Variants in DCAF4 observed in about 807,000 individuals in gnomAD.
DCAF4 encodes DDB1- and CUL4-associated factor 4.
DCAF4 carries 37 observed loss-of-function variants against 60.9 expected under a neutral mutation model. The ratio of observed to expected loss-of-function variants is 0.61; its 90% CI spans 0.47 to 0.80. The LOEUF (loss-of-function observed/expected upper bound fraction) is 0.80. Ranked by LOEUF, DCAF4 falls within the 30% of genes least tolerant of loss-of-function variation. The probability of loss-of-function intolerance (pLI) is 0.00; values close to 1 mark genes in which losing one functional copy is unlikely to be tolerated. For missense variants in DCAF4, 577 were observed against 650.0 expected (o/e 0.89, Z 1.22); for synonymous variants, 243 against 254.8 (o/e 0.95, Z 0.44).
In DCAF4 at chr14:72,954,377, C is replaced by T; in HGVS notation, c.908-9C>T. On this transcript the variant is annotated splice_polypyrimidine_tract_variant and intron_variant, in intron 10 of 13. Coordinates refer to ENST00000358377, the MANE Select transcript of DCAF4 (RefSeq NM_015604.4). ...CATAATCTTACCAGCCCATCTCTGT[C>T]TCCGCCAGGCTTGTCTCGGCGGGTC... 6.2e-7 allele frequency: 1 copy of T among 1,614,134 alleles called. No homozygotes were observed. The highest frequency in any genetic ancestry group is 1.1e-5 in the South Asian group (1 of 91,078).
At chr14:72,942,969 A>C in intron 5 of DCAF4, 25 bp from the exon 6 acceptor site, 1 of 1,611,124 alleles carries the variant, frequency 6.2e-7, no homozygotes. Flanking sequence ...TTCAGCATCC[A>C]TGCCCCCACC....
chr14:72,949,890 A>G (rs1891201178), intron 8 of DCAF4, among the ~76,000 whole-genome samples: 1 of 152,234 alleles, frequency 6.6e-6, no homozygotes, highest in Non-Finnish European at 1.5e-5. Flanking sequence ...ATGCAGTTGC[A>G]AGGAGATAGA....
intron 5 of DCAF4, chr14:72,942,708 G>C (rs553431218): frequency 2.9e-6 from 1 of 340,186 alleles, no homozygotes; most frequent in African/African-American, 2.1e-5. Flanking sequence ...GTCATCTCAG[G>C]GGAAGGAGCT....
Position 72,959,583 on chromosome 14 carries a change from G to T in DCAF4, c.*778G>T, listed in dbSNP as rs1166283634. The T allele has an allele frequency of 1.0e-6, 1 of 985,364 alleles. No individual in the cohort carries two copies. Among genetic ancestry groups the T allele is most frequent in the Non-Finnish European group, 1.2e-6 (1 of 829,940 alleles). 61.0% of individuals were successfully genotyped at this position (985,364 alleles called of 1,614,324 possible). A position where few individuals can be genotyped will look rare whatever the true frequency, so the allele number is the denominator to read the frequency against. On this transcript the variant is annotated 3_prime_UTR_variant, in exon 14 of 14. Transcript: ENST00000358377. ...TTTTGTAATCTAGGAGCGACAGTTC[G>T]TGAGATGTTTATTCAGTGTTAAAGA...
chr14:72,942,973 C>G (rs765999458), intron 5 of DCAF4, 21 bp from the exon 6 acceptor site: 133 of 1,611,714 alleles, frequency 8.3e-5, no homozygotes, highest in Middle Eastern at 1.6e-4. Flanking sequence ...GCATCCATGC[C>G]CCCACCCTCT....
intron 9 of DCAF4, among the ~76,000 whole-genome samples, chr14:72,953,416 A>T (rs1313538440): frequency 1.3e-5 from 2 of 152,020 alleles, no homozygotes; most frequent in Non-Finnish European, 2.9e-5. Context: ...AGTTTATTTT[A>T]AAAAATATTT....
intron 1 of DCAF4, among the ~76,000 whole-genome samples, chr14:72,937,033 C>T (rs1157027878): frequency 6.6e-6 from 1 of 152,028 alleles, no homozygotes; most frequent in African/African-American, 2.4e-5. Flanking sequence ...AGTAGAAAGG[C>T]GAGGAGAGAG....
At chr14:72,958,317 G>C (rs1594813235) in intron 13 of DCAF4, among the ~76,000 whole-genome samples, 1 of 152,136 alleles carries the variant, frequency 6.6e-6, no homozygotes, top group Non-Finnish European at 1.5e-5. Flanking sequence ...GACCAGGTGG[G>C]CCACACTCGC....
rs1171102749 is a variant in DCAF4, at chr14:72,954,267, G to A, written c.907+5G>A. ...CAAATAACTGCTTCAGTACAGGTGA[G>A]CCTGGCTCCCCAGGTGCCCAGAGAA... On this transcript the variant is annotated splice_donor_5th_base_variant and intron_variant, in intron 10 of 13. Transcript: ENST00000358377. 40 of 1,614,084 alleles carry A rather than the reference G, an allele frequency of 2.5e-5. No individual in the cohort carries two copies. Among genetic ancestry groups the A allele is most frequent in the Non-Finnish European group, 3.1e-5 (36 of 1,180,042 alleles).
At chr14:72,936,341 A>G (rs1016256623) in intron 1 of DCAF4, among the ~76,000 whole-genome samples, 3 of 152,196 alleles carry the variant, frequency 2.0e-5, no homozygotes, top group African/African-American at 7.2e-5. Context: ...AGGCAGGTAG[A>G]TCACTTGAAG....
At chr14:72,930,258 T>TTTG (rs1888379188) in intron 1 of DCAF4, among the ~76,000 whole-genome samples, 1 of 151,742 alleles carries the variant, frequency 6.6e-6, no homozygotes, top group Non-Finnish European at 1.5e-5. Context: ...TTTTTTTTTT[T>TTTG]GAGACGGAGT....
In DCAF4 at chr14:72,958,832, G is replaced by T; in HGVS notation, c.*27G>T. On this transcript the variant is annotated 3_prime_UTR_variant, in exon 14 of 14. Coordinates refer to ENST00000358377, the MANE Select transcript of DCAF4 (RefSeq NM_015604.4). The stretch of plus-strand genomic sequence containing the variant: ...TCTGCAGGGCACAGCCCAGAGCCAT[G>T]TGGATTTGACTTACGGGAGTAAAGC... 6.6e-7 allele frequency: 1 copy of T among 1,521,062 alleles called. No homozygotes were observed. The highest frequency in any genetic ancestry group is 1.4e-5 in the African/African-American group (1 of 71,810). The allele number at this position is 1,521,062 out of a possible 1,614,324, so 94.2% of individuals were successfully genotyped here.
In DCAF4 at chr14:72,953,765, T is replaced by A. The variant is rs1449649302; in HGVS notation, c.809-399T>A. On this transcript the variant is annotated intron_variant, in intron 9 of 13. Transcript: ENST00000358377. ...TATATATATATATATATATATATAGTTTATTTATTTATTTATTTGTGTGTG... is the reference window on the plus strand; with the variant it reads ...TATATATATATATATATATATATAGATTATTTATTTATTTATTTGTGTGTG... 2.5e-3 allele frequency among the ~76,000 whole-genome samples: 56 copies of A among 21,966 alleles called. 6 individuals are homozygous for A. Among genetic ancestry groups the A allele is most frequent in the African/African-American group, 7.6e-3 (52 of 6,868 alleles). The allele number at this position is 21,966 out of a possible 152,430, so 14.4% of individuals were successfully genotyped here.
intron 6 of DCAF4, among the ~76,000 whole-genome samples, chr14:72,943,707 G>C (rs1369804291): frequency 6.6e-6 from 1 of 152,186 alleles, no homozygotes; most frequent in Non-Finnish European, 1.5e-5. Flanking sequence ...TGCAAACAAA[G>C]GTCCCTGACC....
At position 72,937,992 on chromosome 14, in the gene DCAF4, G is replaced by T. The variant is rs763904252; in HGVS notation, c.14G>T (p.Arg5Leu). Residue 5 changes from arginine (R) to leucine (L), a missense_variant, in exon 2 of 14, where the codon CGC (arginine) becomes CTC (leucine). Physicochemically the swap from Arg to Leu is moderately radical, Grantham distance 102. Coordinates refer to ENST00000358377, the MANE Select transcript of DCAF4 (RefSeq NM_015604.4). ...TTAGGAACAGAAATGAATAAAAGTC[G>T]CTGGCAGAGTAGAAGACGACATGGG... MNKS[R>L]WQSRRRHGRR... The T allele has an allele frequency of 2.5e-6, 4 of 1,605,418 alleles. No individual in the cohort carries two copies. The East Asian group carries it at 9.0e-5, about 36-fold the overall frequency.
At chr14:72,951,925 A>G (rs1451692077) in intron 9 of DCAF4, 48 bp downstream of exon 9, 1 of 1,602,812 alleles carries the variant, frequency 6.2e-7, no homozygotes, top group African/African-American at 1.3e-5. Flanking sequence ...GTCTCCCGAG[A>G]GCTGTGTGGG....
intron 5 of DCAF4, chr14:72,942,550 C>T (rs569992577): frequency 6.3e-6 from 1 of 159,264 alleles, no homozygotes; most frequent in Admixed American, 6.1e-5. Flanking sequence ...CCTTCTGAGA[C>T]AGAAAGTTAA....
Position 72,959,167 on chromosome 14 carries a change from C to T in DCAF4, c.*362C>T. On this transcript the variant is annotated 3_prime_UTR_variant, in exon 14 of 14. Transcript: ENST00000358377. Reference sequence around the variant, plus strand: ...TCCTCCAAGAGCCCATTGAAGAAGCCCAGTGATGAGACGGTGAGATGGTTT... The same window carrying T: ...TCCTCCAAGAGCCCATTGAAGAAGCTCAGTGATGAGACGGTGAGATGGTTT... 1.0e-6 allele frequency: 1 copy of T among 1,001,920 alleles called. No individual in the cohort carries two copies. Among genetic ancestry groups the T allele is most frequent in the Non-Finnish European group, 1.2e-6 (1 of 840,678 alleles). The allele number at this position is 1,001,920 out of a possible 1,614,324, so 62.1% of individuals were successfully genotyped here. A position where few individuals can be genotyped will look rare whatever the true frequency, so the allele number is the denominator to read the frequency against.
Position 72,940,318 on chromosome 14 carries a change from CAGA to C in DCAF4, c.295_297del (p.Lys99del). ...CCCCCTGACGAAAGAGAGCATCCGG[CAGA>C]AGGAGATGGAGAGCAAGAGACTGCG... On this transcript the variant is annotated inframe_deletion, in exon 4 of 14. Transcript: ENST00000358377. 3 of 1,614,132 alleles carry C rather than the reference CAGA, an allele frequency of 1.9e-6. No individual in the cohort carries two copies. The highest frequency in any genetic ancestry group is 2.5e-6 in the Non-Finnish European group (3 of 1,180,022).
Sources: gnomAD v4.1 joint callset for allele counts (sites outside exome capture counted in the v4.1 genomes callset) on GRCh38, gnomAD v4.1.1 for gene constraint, MANE v1.5 for transcripts, NCBI Gene and HGNC (gene_info 2026-07-23, HGNC 2026-07-21) for gene names.